The following RABGAP1L variants were observed in gnomAD, a reference collection of about 807,000 sequenced individuals.
RABGAP1L encodes RAB GTPase activating protein 1 like.
RABGAP1L carries 63 observed loss-of-function variants against 137.7 expected under a neutral mutation model. The ratio of observed to expected loss-of-function variants is 0.46; its 90% CI spans 0.37 to 0.56. RABGAP1L has a LOEUF of 0.56. RABGAP1L is among the 20% of genes least tolerant of loss of function. The pLI is 0.00. For missense variants in RABGAP1L, 1,095 were observed against 1,244.0 expected (o/e 0.88, Z 1.80); for synonymous variants, 431 against 433.7 (o/e 0.99, Z 0.08).
intron 19 of RABGAP1L, among the ~76,000 whole-genome samples, chr1:174,866,974 A>G (rs1365383477): frequency 6.6e-6 from 1 of 151,836 alleles, no homozygotes; most frequent in African/African-American, 2.4e-5. Flanking sequence ...TGTAGTCCCA[A>G]TTACTGTGGA....
At chr1:174,306,921 AAAG>A (rs1333424005) in intron 11 of RABGAP1L, among the ~76,000 whole-genome samples, 25 of 152,284 alleles carry the variant, frequency 1.6e-4, no homozygotes, top group African/African-American at 5.5e-4. Context: ...ATCTTTGAAA[AAAG>A]CATCTTAGAA....
chr1:174,467,740 G>T (rs1657463057), intron 13 of RABGAP1L, among the ~76,000 whole-genome samples: 1 of 152,074 alleles, frequency 6.6e-6, no homozygotes, highest in Non-Finnish European at 1.5e-5. Flanking sequence ...TATAGAATTT[G>T]AATCCAGCTT....
At chr1:174,487,890 A>G (rs1659824013) in intron 13 of RABGAP1L, among the ~76,000 whole-genome samples, 1 of 152,188 alleles carries the variant, frequency 6.6e-6, no homozygotes, top group Non-Finnish European at 1.5e-5. Context: ...TAAACAAGCA[A>G]AAAGAAAACT....
chr1:174,581,667 A>C (rs1045643380), intron 13 of RABGAP1L, among the ~76,000 whole-genome samples: 5 of 152,208 alleles, frequency 3.3e-5, no homozygotes, highest in African/African-American at 1.2e-4. Flanking sequence ...ATGGAATTGT[A>C]CGCTTTAAAC....
At chr1:174,719,621 A>C (rs1681321818) in intron 17 of RABGAP1L, among the ~76,000 whole-genome samples, 1 of 152,236 alleles carries the variant, frequency 6.6e-6, no homozygotes, top group Non-Finnish European at 1.5e-5. Flanking sequence ...AATGCACAAA[A>C]ATGAGTGAAA....
intron 4 of RABGAP1L, among the ~76,000 whole-genome samples, chr1:174,240,698 G>A (rs1278038855): frequency 6.6e-6 from 1 of 152,224 alleles, no homozygotes; most frequent in Non-Finnish European, 1.5e-5. Context: ...CAATGAATTA[G>A]GGCTTAGATA....
intron 2 of RABGAP1L, among the ~76,000 whole-genome samples, chr1:174,220,323 A>G (rs1424078560): frequency 6.6e-6 from 1 of 152,300 alleles, no homozygotes; most frequent in East Asian, 1.9e-4. Flanking sequence ...TCCTTTAGAC[A>G]TGTAAATTTA....
intron 23 of RABGAP1L, among the ~76,000 whole-genome samples, chr1:174,981,093 A>G (rs926198292): frequency 1.5e-4 from 23 of 152,164 alleles, no homozygotes; most frequent in Admixed American, 1.5e-3. Flanking sequence ...GTGGCCACCA[A>G]ATGCAGCACT....
intron 11 of RABGAP1L, among the ~76,000 whole-genome samples, chr1:174,361,295 C>T (rs1684127784): frequency 7.1e-6 from 1 of 141,814 alleles, no homozygotes; most frequent in African/African-American, 2.6e-5. Context: ...TAAATTTTAA[C>T]ATGTTTTTTC....
At chr1:174,669,391 T>C (rs1486020539) in intron 14 of RABGAP1L, among the ~76,000 whole-genome samples, 2 of 152,160 alleles carry the variant, frequency 1.3e-5, no homozygotes, top group Non-Finnish European at 2.9e-5. Context: ...CCAAATCATA[T>C]TAGATGTATA....
At chr1:174,518,687 C>A (rs556642993) in intron 13 of RABGAP1L, among the ~76,000 whole-genome samples, 9 of 152,258 alleles carry the variant, frequency 5.9e-5, no homozygotes, top group African/African-American at 2.2e-4. Context: ...AATGGCACTT[C>A]CTTCAGGAAT....
intron 13 of RABGAP1L, among the ~76,000 whole-genome samples, chr1:174,489,888 A>C (rs911557671): frequency 2.0e-5 from 3 of 151,952 alleles, no homozygotes; most frequent in African/African-American, 7.3e-5. Context: ...CTTCTGCTTG[A>C]TCAACTGTAT....
At chr1:174,833,440 G>A (rs1425169330) in intron 19 of RABGAP1L, among the ~76,000 whole-genome samples, 9 of 28,012 alleles carry the variant, frequency 3.2e-4, no homozygotes, top group East Asian at 1.4e-3. Context: ...ATATGTGTGT[G>A]TGTGTAGAGA....
chr1:174,251,171 A>G (rs1390475915), intron 6 of RABGAP1L, among the ~76,000 whole-genome samples: 2 of 152,200 alleles, frequency 1.3e-5, no homozygotes, highest in Non-Finnish European at 2.9e-5. Context: ...ATAAAAGTAG[A>G]ATAAAAACTA....
intron 10 of RABGAP1L, among the ~76,000 whole-genome samples, chr1:174,292,142 A>T (rs552136519): frequency 6.7e-6 from 1 of 150,094 alleles, no homozygotes; most frequent in South Asian, 2.1e-4. Context: ...GGCTCAAGCG[A>T]GTCTCCCATC....
At chr1:174,944,420 G>A (rs1255281352) in intron 19 of RABGAP1L, among the ~76,000 whole-genome samples, 1 of 151,880 alleles carries the variant, frequency 6.6e-6, no homozygotes, top group Non-Finnish European at 1.5e-5. Flanking sequence ...AAAGTGTACA[G>A]ATCACTTGAG....
chr1:174,675,727 C>A (rs1199682231), intron 14 of RABGAP1L, among the ~76,000 whole-genome samples: 2 of 152,130 alleles, frequency 1.3e-5, no homozygotes, highest in East Asian at 3.8e-4. Flanking sequence ...TCTTAGATGT[C>A]ATGGAATCTA....
chr1:174,204,860 A>T (rs1019114683), intron 1 of RABGAP1L, among the ~76,000 whole-genome samples: 158 of 152,228 alleles, frequency 1.0e-3, no homozygotes, highest in African/African-American at 3.5e-3. Context: ...CCTCCATGGT[A>T]AGATGTGCTT....
intron 13 of RABGAP1L, among the ~76,000 whole-genome samples, chr1:174,408,841 G>A (rs1223896969): frequency 6.6e-6 from 1 of 151,878 alleles, no homozygotes; most frequent in Non-Finnish European, 1.5e-5. Flanking sequence ...TTTCATGTTT[G>A]TTGGCTGCTT....
Sources: gnomAD v4.1 joint callset for allele counts (sites outside exome capture counted in the v4.1 genomes callset) on GRCh38, gnomAD v4.1.1 for gene constraint, MANE v1.5 for transcripts, NCBI Gene and HGNC (gene_info 2026-07-23, HGNC 2026-07-21) for gene names.